Variants in ANKS1B observed in about 807,000 individuals in gnomAD.
The protein encoded by ANKS1B is ankyrin repeat and sterile alpha motif domain-containing protein 1B.
Under a neutral mutation model 148.3 loss-of-function variants are expected in ANKS1B, and 36 were observed. That is an observed-to-expected ratio of 0.24 (90% CI 0.19 to 0.32). The LOEUF is 0.32. ANKS1B is among the 10% of genes least tolerant of loss of function. The pLI is 1.00. For missense variants in ANKS1B, 1,157 were observed against 1,542.6 expected (o/e 0.75, Z 4.19); for synonymous variants, 542 against 560.8 (o/e 0.97, Z 0.47).
intron 1 of ANKS1B, among the ~76,000 whole-genome samples, chr12:99,950,113 ATTTTTTTTTTTT>A (rs35287842): frequency 3.3e-5 from 3 of 90,550 alleles, no homozygotes; most frequent in African/African-American, 5.0e-5. Flanking sequence ...TGCTCAGTTA[ATTTTTTTTTTTT>A]TTTTTTTTTT....
At chr12:99,813,115 A>G (rs1333949562) in intron 2 of ANKS1B, among the ~76,000 whole-genome samples, 1 of 151,780 alleles carries the variant, frequency 6.6e-6, no homozygotes, top group Non-Finnish European at 1.5e-5. Context: ...AAGTTCCACC[A>G]TTAATGCAAT....
chr12:99,100,760 C>T (rs1056997094), intron 15 of ANKS1B, among the ~76,000 whole-genome samples: 1 of 152,202 alleles, frequency 6.6e-6, no homozygotes, highest in African/African-American at 2.4e-5. Flanking sequence ...AAACTCCTGA[C>T]CTCAAATGAT....
intron 4 of ANKS1B, among the ~76,000 whole-genome samples, chr12:99,785,905 G>GA (rs1341353316): frequency 6.6e-6 from 1 of 152,010 alleles, no homozygotes; most frequent in African/African-American, 2.4e-5. Flanking sequence ...TGTAGATACT[G>GA]AAAAAAATGG....
chr12:98,771,924 T>C lies in ANKS1B; in HGVS notation c.3579+1118A>G, dbSNP rs773977660. ...CCTATTATGCCCTAGTACTTAGAAA[T>C]GGCTACTAGAGAAACTGACAGACAT... On this transcript the variant is annotated intron_variant, in intron 25 of 26. Transcript: ENST00000683438. Among the ~76,000 whole-genome samples, 118 of 152,254 alleles carry C rather than the reference T, an allele frequency of 7.8e-4. 1 individual carries two copies. The highest frequency in any genetic ancestry group is 6.8e-3 in the Middle Eastern group (2 of 294).
chr12:99,593,993 C>A (rs1567432780), intron 9 of ANKS1B, among the ~76,000 whole-genome samples: 2 of 151,874 alleles, frequency 1.3e-5, no homozygotes, highest in Non-Finnish European at 2.9e-5. Flanking sequence ...AGCAGCAAAG[C>A]ACACAGTCTT....
At chr12:99,458,378 C>A (rs1407999937) in intron 10 of ANKS1B, among the ~76,000 whole-genome samples, 1 of 150,146 alleles carries the variant, frequency 6.7e-6, no homozygotes, top group Non-Finnish European at 1.5e-5. Flanking sequence ...GAGACAAGAA[C>A]CAAACCCAAA....
intron 10 of ANKS1B, among the ~76,000 whole-genome samples, chr12:99,454,892 G>A (rs2095819734): frequency 6.6e-6 from 1 of 152,176 alleles, no homozygotes; most frequent in Admixed American, 6.5e-5. Context: ...GGCCATAGAA[G>A]ATGGGTTCCC....
chr12:99,382,474 G>A (rs2093678366), intron 12 of ANKS1B, among the ~76,000 whole-genome samples: 4 of 152,136 alleles, frequency 2.6e-5, no homozygotes, highest in African/African-American at 7.2e-5. Context: ...AGGCCAAGGT[G>A]GGTAGATCAC....
intron 10 of ANKS1B, among the ~76,000 whole-genome samples, chr12:99,462,037 T>C (rs936817828): frequency 1.3e-5 from 2 of 152,208 alleles, no homozygotes; most frequent in Non-Finnish European, 2.9e-5. Flanking sequence ...CAATGGCCCA[T>C]CACTTAACAA....
At chr12:99,824,185 A>G (rs181196826) in intron 2 of ANKS1B, among the ~76,000 whole-genome samples, 1 of 152,290 alleles carries the variant, frequency 6.6e-6, no homozygotes, top group African/African-American at 2.4e-5. Flanking sequence ...TGTAACTAGC[A>G]CTTTTAAAGC....
chr12:99,385,996 A>G (rs2093844114), intron 12 of ANKS1B, among the ~76,000 whole-genome samples: 1 of 152,224 alleles, frequency 6.6e-6, no homozygotes, highest in Admixed American at 6.5e-5. Flanking sequence ...TGTGCTTTTC[A>G]GAAGGAAATC....
At chr12:99,898,736 T>C (rs938098258) in intron 1 of ANKS1B, among the ~76,000 whole-genome samples, 1 of 152,160 alleles carries the variant, frequency 6.6e-6, no homozygotes, top group Non-Finnish European at 1.5e-5. Context: ...GCCCCGACTT[T>C]GATATAAGAA....
chr12:98,801,252 G>A lies in ANKS1B; in HGVS notation c.3142-127C>T. On this transcript the variant is annotated intron_variant, in intron 20 of 26. Transcript: ENST00000683438. The surrounding 1 kb of genome is among the most constrained non-coding windows in gnomAD (Gnocchi z 5.2). ...CAAAATGCATTTGGGTGTCTTATGT[G>A]AATATAAATACTTGGTTATTACATT... The A allele has an allele frequency of 1.2e-6, 1 of 804,944 alleles. No individual in the cohort carries two copies. The highest frequency in any genetic ancestry group is 2.7e-5 in the East Asian group (1 of 36,428). 49.9% of individuals were successfully genotyped at this position (804,944 alleles called of 1,614,324 possible).
intron 15 of ANKS1B, among the ~76,000 whole-genome samples, chr12:99,131,794 G>T (rs1186635208): frequency 2.0e-5 from 3 of 152,146 alleles, no homozygotes; most frequent in Non-Finnish European, 4.4e-5. Context: ...CAAGCAGCCT[G>T]GGAACCGGGC....
chr12:99,486,116 CAG>C (rs1260480658), intron 10 of ANKS1B, among the ~76,000 whole-genome samples: 3 of 152,088 alleles, frequency 2.0e-5, no homozygotes, highest in African/African-American at 7.2e-5. Context: ...GTCATATTAC[CAG>C]AGTTACCTTT....
intron 17 of ANKS1B, among the ~76,000 whole-genome samples, chr12:98,995,991 C>T (rs745577444): frequency 1.3e-5 from 2 of 152,126 alleles, no homozygotes; most frequent in Admixed American, 6.5e-5. Flanking sequence ...AGAAACTAGC[C>T]ATGGCTGGGG....
At chr12:98,799,514 C>A (rs2098981601) in intron 21 of ANKS1B, among the ~76,000 whole-genome samples, 1 of 98,706 alleles carries the variant, frequency 1.0e-5, no homozygotes. Flanking sequence ...GTTGATCCAC[C>A]TGAGAACGGG....
chr12:99,457,870 G>C (rs1447617846), intron 10 of ANKS1B, among the ~76,000 whole-genome samples: 5 of 152,054 alleles, frequency 3.3e-5, no homozygotes, highest in African/African-American at 1.2e-4. Context: ...AGGTCTTCAA[G>C]ACAGAAAGTC....
chr12:99,856,714 C>T (rs891572273), intron 1 of ANKS1B, among the ~76,000 whole-genome samples: 7 of 151,994 alleles, frequency 4.6e-5, no homozygotes, highest in Non-Finnish European at 7.4e-5. Context: ...ACGAGGGATG[C>T]GGGGACGGTT....
Sources: gnomAD v4.1 joint callset for allele counts (sites outside exome capture counted in the v4.1 genomes callset) on GRCh38, gnomAD v4.1.1 for gene constraint, Gnocchi (gnomAD v3.1) non-coding constraint, MANE v1.5 for transcripts, NCBI Gene and HGNC (gene_info 2026-07-23, HGNC 2026-07-21) for gene names.